CIMAP2: variants seen among roughly 807,000 people sequenced by gnomAD.
The protein encoded by CIMAP2 is ciliary microtubule-associated protein 2.
the CIMAP2 span, chr1:54,811,766 C>CGGGGGGGGCG: frequency 7.7e-7 from 1 of 1,305,184 alleles, no homozygotes; most frequent in Non-Finnish European, 1.1e-6. Flanking sequence ...GTTCTGACAG[C>CGGGGGGGGCG]CTCCATGCCC....
chr1:54,835,643 C>A, the CIMAP2 span, among the ~76,000 whole-genome samples: 1 of 152,102 alleles, frequency 6.6e-6, no homozygotes, highest in African/African-American at 2.4e-5. Flanking sequence ...ATATATTTCT[C>A]AAAAATTGAT....
chr1:54,811,765 G>GCCGGGGGGGGGGCGCGCCCCCCCC, the CIMAP2 span: 1 of 1,301,332 alleles, frequency 7.7e-7, no homozygotes, highest in Non-Finnish European at 1.1e-6. Context: ...GGTTCTGACA[G>GCCGGGGGGGGGGCGCGCCCCCCCC]CCTCCATGCC....
chr1:54,817,839 A>G, the CIMAP2 span, among the ~76,000 whole-genome samples: 1 of 152,086 alleles, frequency 6.6e-6, no homozygotes, highest in Non-Finnish European at 1.5e-5. Context: ...TTTTTTATCA[A>G]AGTAGTGCTG....
At chr1:54,807,731 G>A in the CIMAP2 span, 2 of 1,543,700 alleles carry the variant, frequency 1.3e-6, no homozygotes, top group Middle Eastern at 1.8e-4. Context: ...TCTGGTGCCA[G>A]GTCTTCCTGT....
At chr1:54,807,699 T>G in the CIMAP2 span, 2 of 1,578,490 alleles carry the variant, frequency 1.3e-6, no homozygotes, top group Non-Finnish European at 1.7e-6. Context: ...AGGTGAGGCC[T>G]CTGGGGCCAT....
the CIMAP2 span, chr1:54,807,145 C>T: frequency 6.7e-7 from 1 of 1,502,488 alleles, no homozygotes; most frequent in Middle Eastern, 1.7e-4. Flanking sequence ...CTTCGAGCTG[C>T]CTGCTGTGGT....
chr1:54,840,074 C>T, the CIMAP2 span, among the ~76,000 whole-genome samples: 1 of 152,210 alleles, frequency 6.6e-6, no homozygotes, highest in African/African-American at 2.4e-5. Context: ...TTGACAAATG[C>T]ATGTAGTTGT....
At chr1:54,817,343 C>T in the CIMAP2 span, among the ~76,000 whole-genome samples, 1 of 152,338 alleles carries the variant, frequency 6.6e-6, no homozygotes, top group Middle Eastern at 3.4e-3. Context: ...TTCGCTGAGC[C>T]TCATTTCCTT....
chr1:54,817,335 C>T, the CIMAP2 span, among the ~76,000 whole-genome samples: 1 of 152,210 alleles, frequency 6.6e-6, no homozygotes, highest in Non-Finnish European at 1.5e-5. Context: ...TGCGTAACTT[C>T]GCTGAGCCTC....
At chr1:54,807,742 C>T in the CIMAP2 span, 1 of 1,538,100 alleles carries the variant, frequency 6.5e-7, no homozygotes, top group Non-Finnish European at 8.7e-7. Context: ...GTCTTCCTGT[C>T]CATTGCAGCT....
At chr1:54,840,857 A>G in the CIMAP2 span, among the ~76,000 whole-genome samples, 2 of 152,270 alleles carry the variant, frequency 1.3e-5, no homozygotes, top group Non-Finnish European at 2.9e-5. Flanking sequence ...TAAGTCCTTT[A>G]TCAGATACGT....
At chr1:54,816,317 C>T in the CIMAP2 span, among the ~76,000 whole-genome samples, 2 of 152,218 alleles carry the variant, frequency 1.3e-5, no homozygotes, top group East Asian at 1.9e-4. Context: ...GCCCACCCCT[C>T]AGGACTGCTT....
the CIMAP2 span, among the ~76,000 whole-genome samples, chr1:54,818,368 T>C: frequency 6.6e-6 from 1 of 152,086 alleles, no homozygotes; most frequent in Admixed American, 6.6e-5. Context: ...TTTGGCACTC[T>C]AGTTTTCTTT....
chr1:54,841,632 TG>T, the CIMAP2 span: 18 of 1,614,166 alleles, frequency 1.1e-5, no homozygotes, highest in Non-Finnish European at 1.5e-5. Flanking sequence ...GCTGTTTTGT[TG>T]GAAAGGCCTA....
chr1:54,826,910 G>A, the CIMAP2 span, among the ~76,000 whole-genome samples: 1 of 152,246 alleles, frequency 6.6e-6, no homozygotes, highest in African/African-American at 2.4e-5. Context: ...GGAGGCAAGT[G>A]CTTCGCACCT....
At chr1:54,819,973 T>C in the CIMAP2 span, among the ~76,000 whole-genome samples, 3 of 135,094 alleles carry the variant, frequency 2.2e-5, no homozygotes, top group Non-Finnish European at 4.8e-5. Context: ...TTTCTTTCTT[T>C]CTTTTTCTCT....
At chr1:54,811,027 C>G in the CIMAP2 span, among the ~76,000 whole-genome samples, 1 of 152,244 alleles carries the variant, frequency 6.6e-6, no homozygotes, top group Non-Finnish European at 1.5e-5. Flanking sequence ...GCTCCCCAAG[C>G]ACGTGCCATT....
the CIMAP2 span, among the ~76,000 whole-genome samples, chr1:54,832,849 G>A: frequency 6.6e-6 from 1 of 152,084 alleles, no homozygotes; most frequent in Non-Finnish European, 1.5e-5. Context: ...GCAACATAGG[G>A]AGACCTGTCT....
At chr1:54,836,262 CTCCCGCCTGCCTACCTGCCCGCCT>C in the CIMAP2 span, among the ~76,000 whole-genome samples, 15 of 149,906 alleles carry the variant, frequency 1.0e-4, no homozygotes, top group East Asian at 5.9e-4. Flanking sequence ...CCCCTTCGCC[CTCCCGCCTGCCTACCTGCCCGCCT>C]GCCTGCCTGC....
Sources: allele counts gnomAD v4.1 joint callset (sites outside exome capture counted in the v4.1 genomes callset), GRCh38; gene constraint gnomAD v4.1.1; transcripts MANE v1.5; gene names NCBI Gene and HGNC (gene_info 2026-07-23, HGNC 2026-07-21).